CHN1: variants seen among roughly 807,000 people sequenced by gnomAD.
CHN1 encodes the protein chimerin 1.
CHN1 carries 37 observed loss-of-function variants against 59.5 expected under a neutral mutation model. The observed-to-expected ratio is 0.62, with a 90% CI of 0.48 to 0.82. The LOEUF (loss-of-function observed/expected upper bound fraction) is 0.82. CHN1 is among the 40% of genes least tolerant of loss of function. The pLI, the probability that CHN1 is intolerant of heterozygous loss-of-function variation, is 0.00. For missense variants in CHN1, 469 were observed against 571.0 expected (o/e 0.82, Z 1.82); for synonymous variants, 206 against 200.4 (o/e 1.03, Z -0.24).
intron 5 of CHN1, among the ~76,000 whole-genome samples, chr2:174,908,906 T>C (rs1041112401): frequency 6.6e-6 from 1 of 152,210 alleles, no homozygotes; most frequent in Non-Finnish European, 1.5e-5. Context: ...GCTAAAATTA[T>C]TAATATAATT....
chr2:174,923,859 T>G (rs762644627), intron 3 of CHN1, among the ~76,000 whole-genome samples: 1 of 152,230 alleles, frequency 6.6e-6, no homozygotes, highest in Non-Finnish European at 1.5e-5. Flanking sequence ...CAAAATAATT[T>G]TGAATTAAAG....
chr2:174,816,319 C>A (rs925401092), intron 8 of CHN1, among the ~76,000 whole-genome samples: 2 of 152,200 alleles, frequency 1.3e-5, no homozygotes, highest in African/African-American at 4.8e-5. Context: ...GTTCCACTCA[C>A]AGGTTTGCAG....
In CHN1 at chr2:174,829,799, G is replaced by C. The variant is rs148714862; in HGVS notation, c.628-5281C>G. Among the ~76,000 whole-genome samples the C allele has an allele frequency of 4.5e-3, 678 of 152,318 alleles. 5 individuals carry two copies. Among genetic ancestry groups the C allele is most frequent in the African/African-American group, 0.015 (638 of 41,564 alleles). On this transcript the variant is annotated intron_variant, in intron 7 of 12. Transcript: ENST00000409900. ...AGCACAGTGTTGGGTGATGAGGGGA[G>C]AGAACAGATGAACAAAATCAAAACG...
intron 1 of CHN1, among the ~76,000 whole-genome samples, chr2:174,995,870 C>T (rs1182655714): frequency 1.3e-5 from 2 of 152,150 alleles, no homozygotes; most frequent in African/African-American, 2.4e-5. Context: ...TATCACAGTG[C>T]TTATGTTCAA....
At chr2:174,860,375 G>A (rs1321920507) in intron 6 of CHN1, among the ~76,000 whole-genome samples, 2 of 152,060 alleles carry the variant, frequency 1.3e-5, no homozygotes, top group African/African-American at 2.4e-5. Flanking sequence ...TAATTAGGAT[G>A]TATTTTATCT....
chr2:174,963,719 A>C (rs1241827084), intron 1 of CHN1, among the ~76,000 whole-genome samples: 2 of 152,236 alleles, frequency 1.3e-5, no homozygotes, highest in Non-Finnish European at 2.9e-5. Context: ...TGAGGACAGA[A>C]GAATGCTGTA....
Position 174,800,305 on chromosome 2 carries a change from A to G in CHN1, c.1209-18T>C, listed in dbSNP as rs2646152. On this transcript the variant is annotated intron_variant, in intron 12 of 12. Transcript: ENST00000409900. ...GGGTCACTCTGAAAAATGCAAGTACAGGAATAAATGACTTTGTGTAAGCCA... is the reference window on the plus strand; with the variant it reads ...GGGTCACTCTGAAAAATGCAAGTACGGGAATAAATGACTTTGTGTAAGCCA... The G allele has an allele frequency of 3.2e-3, 4,514 of 1,425,836 alleles. 110 individuals are homozygous for G. The African/African-American group carries it at 0.055, about 17-fold the overall frequency. 88.3% of individuals were successfully genotyped at this position (1,425,836 alleles called of 1,614,324 possible).
At chr2:174,906,457 CAG>C (rs1472306885) in intron 5 of CHN1, among the ~76,000 whole-genome samples, 2 of 152,092 alleles carry the variant, frequency 1.3e-5, no homozygotes, top group African/African-American at 2.4e-5. Context: ...AGCTGAGAAA[CAG>C]AAAGTGAGGG....
chr2:174,862,361 T>G (rs1687093851), intron 6 of CHN1, among the ~76,000 whole-genome samples: 1 of 149,982 alleles, frequency 6.7e-6, no homozygotes, highest in African/African-American at 2.5e-5. Flanking sequence ...TGAGACGGAG[T>G]CTTGCTCTGT....
intron 7 of CHN1, chr2:174,846,358 G>A (rs1470646311): frequency 6.5e-7 from 1 of 1,549,316 alleles, no homozygotes; most frequent in East Asian, 2.4e-5. Flanking sequence ...AGCTGCTAGT[G>A]TCAGCAGCAT....
At chr2:174,804,137 T>C (rs1684814116) in intron 11 of CHN1, among the ~76,000 whole-genome samples, 1 of 151,996 alleles carries the variant, frequency 6.6e-6, no homozygotes, top group Admixed American at 6.6e-5. Flanking sequence ...GTTGGGGGCG[T>C]TGCAATTTTA....
intron 1 of CHN1, among the ~76,000 whole-genome samples, chr2:174,984,428 G>A (rs1308631652): frequency 1.3e-5 from 2 of 148,794 alleles, no homozygotes; most frequent in Admixed American, 1.3e-4. Flanking sequence ...GAGTGCAGTG[G>A]CGCGATCCTG....
At chr2:174,847,634 G>C (rs1460371822) in intron 6 of CHN1, 2 of 1,320,604 alleles carry the variant, frequency 1.5e-6, no homozygotes. Context: ...CACAAGGAAG[G>C]CTGCATTAGA....
intron 3 of CHN1, among the ~76,000 whole-genome samples, chr2:174,939,494 C>T (rs1216489749): frequency 2.6e-5 from 4 of 152,026 alleles, no homozygotes; most frequent in African/African-American, 9.7e-5. Flanking sequence ...TTTCTTTATT[C>T]TTTTTATTAT....
chr2:174,987,922 A>T (rs1030797687), intron 1 of CHN1, among the ~76,000 whole-genome samples: 6 of 152,076 alleles, frequency 3.9e-5, no homozygotes, highest in African/African-American at 1.4e-4. Context: ...GATGAGGGAG[A>T]GGGAGATGTG....
Position 174,904,914 on chromosome 2 carries a change from T to TAC in CHN1, c.260+10142_260+10143dup, listed in dbSNP as rs149550700. On this transcript the variant is annotated intron_variant, in intron 5 of 12. Coordinates refer to ENST00000409900, the MANE Select transcript of CHN1 (RefSeq NM_001822.7). ...CTTTCAGAGGCCAAAGAGTGTCTGA[T>TAC]ACATTGAAGTCCTTGAGCCAGTCAC... Among the ~76,000 whole-genome samples, 409 of 152,286 alleles carry TAC rather than the reference T, an allele frequency of 2.7e-3. 3 individuals carry two copies. Among genetic ancestry groups the TAC allele is most frequent in the African/African-American group, 9.3e-3 (387 of 41,546 alleles).
intron 3 of CHN1, among the ~76,000 whole-genome samples, chr2:174,932,468 C>T (rs537429873): frequency 1.4e-4 from 22 of 152,308 alleles, no homozygotes; most frequent in African/African-American, 4.8e-4. Context: ...AAAATTTAGG[C>T]TACCCAGGTT....
chr2:174,975,997 G>A (rs1286799018), intron 1 of CHN1, among the ~76,000 whole-genome samples: 2 of 151,030 alleles, frequency 1.3e-5, no homozygotes, highest in African/African-American at 2.4e-5. Context: ...ATGGTGGCGG[G>A]TGTCTGTAGT....
In CHN1 at chr2:175,005,071, C is replaced by T; in HGVS notation, c.-159G>A. 2 of 1,336,170 alleles carry T rather than the reference C, an allele frequency of 1.5e-6. No homozygotes were observed. Among genetic ancestry groups the T allele is most frequent in the Admixed American group, 6.9e-5 (2 of 28,966 alleles). The allele number at this position is 1,336,170 out of a possible 1,614,324, so 82.8% of individuals were successfully genotyped here. A position where few individuals can be genotyped will look rare whatever the true frequency, so the allele number is the denominator to read the frequency against. ...CCCGGGGAGGCTGCAGGCCGGGACG[C>T]GGGGGACCGCTGCAAGAAAAAGTTA... On this transcript the variant is annotated 5_prime_UTR_variant, in exon 1 of 13. Coordinates refer to ENST00000409900, the MANE Select transcript of CHN1 (RefSeq NM_001822.7).
Sources: allele counts gnomAD v4.1 joint callset (sites outside exome capture counted in the v4.1 genomes callset), GRCh38; gene constraint gnomAD v4.1.1; transcripts MANE v1.5; gene names NCBI Gene and HGNC (gene_info 2026-07-23, HGNC 2026-07-21).